TMTC2: variants seen among roughly 807,000 people sequenced by gnomAD.
The protein encoded by TMTC2 is protein O-mannosyl-transferase TMTC2.
A neutral mutation model predicts 82.4 loss-of-function variants in TMTC2; 43 were observed. The observed-to-expected ratio is 0.52, with a 90% CI of 0.41 to 0.67. TMTC2 has a LOEUF of 0.67. Among genes scored for constraint, TMTC2 ranks in the 30% least tolerant of loss-of-function variants. TMTC2 has a pLI of 0.00. For synonymous variants in TMTC2, 408 were observed against 381.9 expected (o/e 1.07, Z -0.80); for missense variants, 919 against 1,012.4 (o/e 0.91, Z 1.25).
At chr12:82,696,949 T>C (rs1872818786) in intron 1 of TMTC2, among the ~76,000 whole-genome samples, 1 of 150,156 alleles carries the variant, frequency 6.7e-6, no homozygotes, top group South Asian at 2.1e-4. Flanking sequence ...GCTCTCTTTC[T>C]ACATACATAC....
At chr12:82,962,886 A>T (rs1878004626) in intron 4 of TMTC2, among the ~76,000 whole-genome samples, 1 of 152,050 alleles carries the variant, frequency 6.6e-6, no homozygotes, top group African/African-American at 2.4e-5. Context: ...ATGAATAAAG[A>T]GACATTTTCT....
chr12:82,955,738 T>C lies in TMTC2; in HGVS notation c.1599-9286T>C, dbSNP rs531050793. On this transcript the variant is annotated intron_variant, in intron 4 of 11. Transcript: ENST00000321196. ...TTGACCAAAACAAATACTGATTATT[T>C]CTCTTTCCCCAATTATTTTTTCATC... Among the ~76,000 whole-genome samples the C allele has an allele frequency of 9.2e-5, 14 of 152,288 alleles. No individual in the cohort carries two copies. In the East Asian group the frequency reaches 2.7e-3, roughly 29 times the overall value.
intron 2 of TMTC2, among the ~76,000 whole-genome samples, chr12:82,889,417 T>C (rs1873280927): frequency 6.6e-6 from 1 of 152,186 alleles, no homozygotes; most frequent in Non-Finnish European, 1.5e-5. Context: ...TTTTAGTTTT[T>C]TCAAATAAGC....
At chr12:82,716,361 ATT>A (rs750327404) in intron 1 of TMTC2, among the ~76,000 whole-genome samples, 11 of 129,022 alleles carry the variant, frequency 8.5e-5, no homozygotes, top group African/African-American at 1.7e-4. Flanking sequence ...TGTCTGGTAC[ATT>A]TTTTTTTTTT....
intron 1 of TMTC2, among the ~76,000 whole-genome samples, chr12:82,816,133 G>A (rs935144086): frequency 6.7e-6 from 1 of 150,370 alleles, no homozygotes; most frequent in African/African-American, 2.5e-5. Flanking sequence ...TTGTTGAGTC[G>A]AATGTGCTAT....
intron 3 of TMTC2, among the ~76,000 whole-genome samples, chr12:82,915,833 T>C (rs571452350): frequency 6.6e-6 from 1 of 152,346 alleles, no homozygotes; most frequent in South Asian, 2.1e-4. Flanking sequence ...AGGCAACTTG[T>C]ACTCTTTGGG....
rs554367517 is a variant in TMTC2 at position 82,735,592 on chromosome 12, T to G, written c.83+47923T>G. Among the ~76,000 whole-genome samples, 832 of 151,476 alleles carry G rather than the reference T, an allele frequency of 5.5e-3. 7 individuals are homozygous for G. Among genetic ancestry groups the G allele is most frequent in the African/African-American group, 0.016 (665 of 41,420 alleles). ...GATCTCCTGACCTTGTGATCCGCCC[T>G]CCTTGGCCTCCCAAAGTGCTGGGAT... On this transcript the variant is annotated intron_variant, in intron 1 of 11. Coordinates refer to ENST00000321196, the MANE Select transcript of TMTC2 (RefSeq NM_152588.3).
intron 2 of TMTC2, among the ~76,000 whole-genome samples, chr12:82,862,497 G>T (rs1297213955): frequency 6.6e-6 from 1 of 152,126 alleles, no homozygotes; most frequent in East Asian, 1.9e-4. Flanking sequence ...AGCCCTTTTA[G>T]TTTGATGTTT....
intron 8 of TMTC2, among the ~76,000 whole-genome samples, chr12:83,014,683 C>G (rs1349460602): frequency 6.6e-6 from 1 of 151,898 alleles, no homozygotes; most frequent in Non-Finnish European, 1.5e-5. Context: ...TATGGTTTGC[C>G]TCTGAGTAAA....
chr12:82,936,362 A>G (rs1565817329), intron 4 of TMTC2, among the ~76,000 whole-genome samples: 1 of 152,026 alleles, frequency 6.6e-6, no homozygotes. Context: ...ATTGCAATGT[A>G]TCTGACTAAA....
At chr12:83,102,250 T>G (rs759383892) in intron 11 of TMTC2, among the ~76,000 whole-genome samples, 6 of 152,226 alleles carry the variant, frequency 3.9e-5, no homozygotes, top group Non-Finnish European at 8.8e-5. Flanking sequence ...AAGGAAGATA[T>G]GCTATTTTTT....
intron 10 of TMTC2, among the ~76,000 whole-genome samples, chr12:83,061,409 CA>C (rs1383597963): frequency 2.6e-5 from 4 of 151,640 alleles, no homozygotes; most frequent in African/African-American, 9.7e-5. Flanking sequence ...CTAATTTTGA[CA>C]ATTTATTTTT....
intron 7 of TMTC2, among the ~76,000 whole-genome samples, chr12:82,985,064 A>T (rs916659969): frequency 4.0e-5 from 6 of 151,698 alleles, no homozygotes; most frequent in South Asian, 2.1e-4. Context: ...AATTAAAATA[A>T]TTTTTTTTGT....
chr12:82,687,398 C>A lies in TMTC2; in HGVS notation c.-189C>A. ...GCACCCGGGGAGGACGCAGGAGCTGCGGAGACGGGCGCGAGGAGGAGGAGA... is the reference window on the plus strand; with the variant it reads ...GCACCCGGGGAGGACGCAGGAGCTGAGGAGACGGGCGCGAGGAGGAGGAGA... On this transcript the variant is annotated 5_prime_UTR_variant, in exon 1 of 12. Transcript: ENST00000321196. The A allele has an allele frequency of 1.7e-6, 1 of 591,006 alleles. No individual in the cohort carries two copies. The highest frequency in any genetic ancestry group is 3.0e-6 in the Non-Finnish European group (1 of 337,292). 36.6% of individuals were successfully genotyped at this position (591,006 alleles called of 1,614,324 possible). A position where few individuals can be genotyped will look rare whatever the true frequency, so the allele number is the denominator to read the frequency against.
Position 82,961,192 on chromosome 12 carries a change from C to CTAT in TMTC2, c.1599-3794_1599-3792dup, listed in dbSNP as rs139490507. ...AAGTGCTGAATAAGTTTCTCTGCCA[C>CTAT]TATTATTATTATTATTATTATTATT... is the stretch of plus-strand genomic sequence containing the variant. On this transcript the variant is annotated intron_variant, in intron 4 of 11. Coordinates refer to ENST00000321196, the MANE Select transcript of TMTC2 (RefSeq NM_152588.3). Among the ~76,000 whole-genome samples the CTAT allele has an allele frequency of 4.1e-3, 603 of 146,242 alleles. 4 individuals carry two copies. Among genetic ancestry groups the CTAT allele is most frequent in the Middle Eastern group, 0.011 (3 of 280 alleles).
chr12:83,017,368 A>G (rs1484992), intron 8 of TMTC2, among the ~76,000 whole-genome samples: 120,541 of 152,144 alleles, frequency 0.79, 48,537 homozygotes, highest in South Asian at 0.93. Flanking sequence ...GTGGGCATAG[A>G]CAGAGCAGTT....
Position 83,084,506 on chromosome 12 carries a change from C to A in TMTC2, c.2331+22675C>A, listed in dbSNP as rs570787369. Among the ~76,000 whole-genome samples, 4 of 152,016 alleles carry A rather than the reference C, an allele frequency of 2.6e-5. No homozygotes were observed. In the East Asian group the frequency reaches 7.7e-4, roughly 29 times the overall value. ...AGGTGATTTGCCCTATATAAGATTT[C>A]TTTTAAAAAAAGATAATAATGATGA... On this transcript the variant is annotated intron_variant, in intron 11 of 11. Coordinates refer to ENST00000321196, the MANE Select transcript of TMTC2 (RefSeq NM_152588.3).
intron 8 of TMTC2, among the ~76,000 whole-genome samples, chr12:83,027,936 C>T (rs1306194576): frequency 6.6e-6 from 1 of 152,150 alleles, no homozygotes; most frequent in East Asian, 1.9e-4. Flanking sequence ...TCCTTCTTTT[C>T]TGTTCTTAAA....
In TMTC2 at chr12:82,924,825, T is replaced by C. The variant is rs189001500; in HGVS notation, c.1484-5606T>C. Among the ~76,000 whole-genome samples, 95 of 152,266 alleles carry C rather than the reference T, an allele frequency of 6.2e-4. No homozygotes were observed. In the Middle Eastern group the frequency reaches 0.017, roughly 27 times the overall value. ...CTCTGCAGAGGAGTCAAGAGTGACA[T>C]TTCGAAAATGAAAGTCAAATCACAA... is the stretch of plus-strand genomic sequence containing the variant. On this transcript the variant is annotated intron_variant, in intron 3 of 11. Transcript: ENST00000321196.
Sources: gnomAD v4.1 joint callset for allele counts (sites outside exome capture counted in the v4.1 genomes callset) on GRCh38, gnomAD v4.1.1 for gene constraint, MANE v1.5 for transcripts, NCBI Gene and HGNC (gene_info 2026-07-23, HGNC 2026-07-21) for gene names.